The following PADI6 variants were observed in gnomAD, a reference collection of about 807,000 sequenced individuals.
PADI6 encodes the protein inactive protein-arginine deiminase type-6.
Under a neutral mutation model 78.2 loss-of-function variants are expected in PADI6, and 66 were observed. That is an observed-to-expected ratio of 0.84 (90% CI 0.69 to 1.04). The LOEUF is 1.04. Among genes scored for constraint, PADI6 ranks in the 50% least tolerant of loss-of-function variants. PADI6 has a pLI of 0.00. For synonymous variants in PADI6, 397 were observed against 346.9 expected, an observed-to-expected ratio of 1.14 and a Z score of -1.60; for missense variants, 854 against 866.1, an observed-to-expected ratio of 0.99 and a Z score of 0.18.
chr1:17,384,246 A>T (rs779625937), intron 6 of PADI6, among the ~76,000 whole-genome samples: 3 of 152,174 alleles, frequency 2.0e-5, no homozygotes, highest in Non-Finnish European at 2.9e-5. Flanking sequence ...CCACAAAAAG[A>T]TACAGCAAAA....
intron 14 of PADI6, among the ~76,000 whole-genome samples, chr1:17,398,426 A>C (rs948706506): frequency 1.6e-4 from 24 of 152,158 alleles, no homozygotes; most frequent in African/African-American, 5.8e-4. Flanking sequence ...TGGGTTGAGA[A>C]GTGCCAGACG....
At chr1:17,389,306 G>T (rs1338014118) in intron 8 of PADI6, among the ~76,000 whole-genome samples, 1 of 152,162 alleles carries the variant, frequency 6.6e-6, no homozygotes, top group African/African-American at 2.4e-5. Flanking sequence ...TGAGGTAGCT[G>T]GGGCCATACC....
In PADI6 at chr1:17,379,080, G is replaced by A. The variant is rs575663050; in HGVS notation, c.368-840G>A. ...CTGCCTTGGCTTCCCAAGAGGCTGG[G>A]ACTACAGGTACCCTCCACCATGCCC... On this transcript the variant is annotated intron_variant, in intron 3 of 15. Transcript: ENST00000619609. Among the ~76,000 whole-genome samples, 23 of 150,814 alleles carry A rather than the reference G, an allele frequency of 1.5e-4. No homozygotes were observed. The East Asian group carries it at 4.5e-3, about 29-fold the overall frequency.
chr1:17,383,051 G>A (rs1050002904), intron 6 of PADI6, among the ~76,000 whole-genome samples: 1 of 152,198 alleles, frequency 6.6e-6, no homozygotes, highest in Non-Finnish European at 1.5e-5. Flanking sequence ...CCAAAGTGCT[G>A]GGATTACAGG....
intron 7 of PADI6, 64 bp downstream of exon 7, chr1:17,388,623 C>T: frequency 1.3e-6 from 2 of 1,493,676 alleles, no homozygotes; most frequent in East Asian, 2.4e-5. Context: ...AGCCATCTCC[C>T]ACAGTTGGGC....
At chr1:17,391,105 C>T (rs1174112814) in intron 8 of PADI6, among the ~76,000 whole-genome samples, 1 of 152,224 alleles carries the variant, frequency 6.6e-6, no homozygotes, top group Non-Finnish European at 1.5e-5. Flanking sequence ...TTAGTAGCAA[C>T]ATGAGCTTTG....
At chr1:17,395,764 G>T in intron 13 of PADI6, 101 bp downstream of exon 13, 1 of 1,422,932 alleles carries the variant, frequency 7.0e-7, no homozygotes, top group Admixed American at 2.4e-5. Flanking sequence ...AAGGATGCCA[G>T]GGAAGCACAG....
chr1:17,381,239 A>C, intron 5 of PADI6, 75 bp downstream of exon 5: 1 of 1,294,076 alleles, frequency 7.7e-7, no homozygotes, highest in Non-Finnish European at 1.1e-6. Context: ...TGGATTCCAG[A>C]CTAATTTTCT....
intron 6 of PADI6, 68 bp from the exon 7 acceptor site, chr1:17,388,313 C>A (rs1570138770): frequency 1.4e-6 from 2 of 1,414,874 alleles, no homozygotes; most frequent in African/African-American, 1.4e-5. Flanking sequence ...GAGCTGGTAC[C>A]TTGACCATCA....
chr1:17,392,569 A>T (rs559349859), intron 9 of PADI6, among the ~76,000 whole-genome samples: 1 of 152,210 alleles, frequency 6.6e-6, no homozygotes, highest in Non-Finnish European at 1.5e-5. Flanking sequence ...CACAGCACCA[A>T]GTCTAGAGCC....
chr1:17,389,289 G>A (rs2075158834), intron 8 of PADI6, among the ~76,000 whole-genome samples: 1 of 152,180 alleles, frequency 6.6e-6, no homozygotes, highest in African/African-American at 2.4e-5. Context: ...GGCCCTGGGT[G>A]TTACGGTGAG....
intron 6 of PADI6, among the ~76,000 whole-genome samples, chr1:17,385,270 C>G (rs761575683): frequency 5.9e-5 from 9 of 152,278 alleles, no homozygotes; most frequent in Non-Finnish European, 1.0e-4. Context: ...ATGGTTTTCT[C>G]CAGCATCTCA....
intron 6 of PADI6, among the ~76,000 whole-genome samples, chr1:17,387,087 C>T (rs906431507): frequency 6.6e-6 from 1 of 152,132 alleles, no homozygotes; most frequent in Non-Finnish European, 1.5e-5. Context: ...GAGGACAGGC[C>T]AGGAAAGAGG....
Position 17,373,055 on chromosome 1 carries a change from G to T in PADI6, c.117-1G>T. 1 of 1,613,192 alleles carries T rather than the reference G, an allele frequency of 6.2e-7. No individual in the cohort carries two copies. Among genetic ancestry groups the T allele is most frequent in the Non-Finnish European group, 8.5e-7 (1 of 1,179,250 alleles). The stretch of plus-strand genomic sequence containing the variant: ...CGCGTGTCTCTTACCGGGCAAACCA[G>T]GTGTGCCCCCCAGAAGTGCCAGTGC... On this transcript the variant is annotated splice_acceptor_variant, in intron 1 of 15. Coordinates refer to ENST00000619609, the MANE Select transcript of PADI6 (RefSeq NM_207421.4). LOFTEE classifies it high-confidence loss of function.
chr1:17,383,314 C>T (rs1008788268), intron 6 of PADI6, among the ~76,000 whole-genome samples: 11 of 152,150 alleles, frequency 7.2e-5, no homozygotes, highest in Non-Finnish European at 1.5e-4. Context: ...TGGGATTAGC[C>T]AGAAAAGGTA....
In PADI6 at chr1:17,392,139, G is replaced by A. The variant is rs184870201; in HGVS notation, c.988G>A (p.Asp330Asn). The A allele has an allele frequency of 1.5e-4, 228 of 1,559,970 alleles. 1 individual carries two copies. The highest frequency in any genetic ancestry group is 1.8e-4 in the Non-Finnish European group (213 of 1,151,916). The change falls in exon 9 of 16, where the codon GAC becomes AAC. Residue 330 changes from aspartate to asparagine, a missense_variant. By Grantham distance (23) the Asp-to-Asn change is conservative. Coordinates refer to ENST00000619609, the MANE Select transcript of PADI6 (RefSeq NM_207421.4). ...CRELQLQGFV[D>N]TVTKLSEKSN... ...GGAGCTGCAGCTGCAGGGTTTTGTG[G>A]ACACAGTGACGAAGCTGAGTGAGAA...
In PADI6 at chr1:17,394,361, C is replaced by T; in HGVS notation, c.1244C>T (p.Ser415Phe). The T allele has an allele frequency of 6.2e-7, 1 of 1,613,816 alleles. No homozygotes were observed. Among genetic ancestry groups the T allele is most frequent in the Non-Finnish European group, 8.5e-7 (1 of 1,179,854 alleles). ...GACCATAAAGTGGCCAGCATGGATT[C>T]CATTGGGAACCTGATGGTGTCCCCA... is the stretch of plus-strand genomic sequence containing the variant. ...TEDHKVASMD[S>F]IGNLMVSPPV... Residue 415 changes from serine to phenylalanine, a missense_variant, in exon 11 of 16, where the codon TCC becomes TTC. Coordinates refer to ENST00000619609, the MANE Select transcript of PADI6 (RefSeq NM_207421.4).
rs753676602 is a variant in PADI6, at chr1:17,372,354, C to T, written c.109C>T (p.Leu37Phe). 4.1e-5 allele frequency: 66 copies of T among 1,613,764 alleles called. No homozygotes were observed. Among genetic ancestry groups the T allele is most frequent in the Non-Finnish European group, 5.5e-5 (65 of 1,179,838 alleles). ...GTTGGGCACAGAAATCTGCTTGGAT[C>T]TCAGCGGGTGAGATGCTGGGAGCTC... The part of the protein sequence containing the change: ...CVLGTEICLD[L>F]SGCAPQKCQC... The change falls in exon 1 of 16, where the codon CTC becomes TTC. Residue 37 changes from leucine (L) to phenylalanine (F), a missense_variant. Transcript: ENST00000619609.
intron 15 of PADI6, 23 bp downstream of exon 15, chr1:17,398,870 T>C (rs767148206): frequency 6.2e-7 from 1 of 1,609,604 alleles, no homozygotes; most frequent in Non-Finnish European, 8.5e-7. Context: ...TGCGCATCCC[T>C]GGGTGGGGGA....
Sources: allele counts gnomAD v4.1 joint callset (sites outside exome capture counted in the v4.1 genomes callset), GRCh38; gene constraint gnomAD v4.1.1; transcripts MANE v1.5; gene names NCBI Gene and HGNC (gene_info 2026-07-23, HGNC 2026-07-21).